IQCH: variants seen among roughly 807,000 people sequenced by gnomAD.
IQCH encodes IQ motif containing H.
In IQCH, 98 loss-of-function variants were observed where a neutral mutation model predicts 117.0. That is an observed-to-expected ratio of 0.84 (90% CI 0.71 to 0.99). IQCH has a LOEUF of 0.99. Ranked by LOEUF, IQCH falls within the 50% of genes least tolerant of loss-of-function variation. The pLI, the probability that IQCH is intolerant of heterozygous loss-of-function variation, is 0.00. For missense variants in IQCH, 1,102 were observed against 1,243.8 expected (o/e 0.89, Z 1.72); for synonymous variants, 412 against 448.2 (o/e 0.92, Z 1.02).
rs1410187508 is a variant in IQCH, at chr15:67,479,306, T to A, written c.2799+3488T>A. Among the ~76,000 whole-genome samples, 5 of 152,192 alleles carry A rather than the reference T, an allele frequency of 3.3e-5. No individual in the cohort carries two copies. Among genetic ancestry groups the A allele is most frequent in the African/African-American group, 1.2e-4 (5 of 41,446 alleles). On this transcript the variant is annotated intron_variant, in intron 18 of 20. Coordinates refer to ENST00000335894, the MANE Select transcript of IQCH (RefSeq NM_001031715.3). The surrounding 1 kb of genome is among the most constrained non-coding windows in gnomAD (Gnocchi z 4.6). Reference sequence around the variant, plus strand: ...AAAGATTTTAAGCATTTTCCCAGGGTCATACAGCCAGGAATTTTGTGGAAC... The same window carrying A: ...AAAGATTTTAAGCATTTTCCCAGGGACATACAGCCAGGAATTTTGTGGAAC...
rs1010286207 is a variant in IQCH at position 67,493,613 on chromosome 15, G to A, written c.2862-645G>A. Among the ~76,000 whole-genome samples the A allele has an allele frequency of 2.6e-5, 4 of 152,100 alleles. No homozygotes were observed. The highest frequency in any genetic ancestry group is 2.1e-4 in the South Asian group (1 of 4,824). On this transcript the variant is annotated intron_variant, in intron 19 of 20. Coordinates refer to ENST00000335894, the MANE Select transcript of IQCH (RefSeq NM_001031715.3). This position sits in a 1 kb window ranked among gnomAD's most constrained non-coding sequence, Gnocchi z 5.1. ...GTCTCCATAGACAAGGAAATCATTC[G>A]GCAAGGATCACACTTAGCGACAGTT...
chr15:67,440,881 A>G (rs1194031437), intron 16 of IQCH, among the ~76,000 whole-genome samples: 3 of 152,152 alleles, frequency 2.0e-5, no homozygotes, highest in Admixed American at 6.5e-5. Flanking sequence ...CAGACAAGAG[A>G]AAGAAATAAA....
chr15:67,415,697 C>G (rs1413020470), intron 14 of IQCH, among the ~76,000 whole-genome samples: 1 of 152,036 alleles, frequency 6.6e-6, no homozygotes, highest in Non-Finnish European at 1.5e-5. Context: ...CAATCCCACC[C>G]CCAAAGCTGA....
In IQCH at chr15:67,457,616, G is replaced by A. The variant is rs2082689805; in HGVS notation, c.2506-7511G>A. On this transcript the variant is annotated intron_variant, in intron 16 of 20. Coordinates refer to ENST00000335894, the MANE Select transcript of IQCH (RefSeq NM_001031715.3). The surrounding 1 kb of genome is among the most constrained non-coding windows in gnomAD (Gnocchi z 5.7). ...TGTCTGCCAGGCCTCTGTAGTAATA[G>A]TCTCACACACTATCTCATTTAGCCA... Among the ~76,000 whole-genome samples the A allele has an allele frequency of 6.6e-6, 1 of 152,190 alleles. No individual in the cohort carries two copies. The highest frequency in any genetic ancestry group is 2.4e-5 in the African/African-American group (1 of 41,436).
chr15:67,384,198 C>T lies in IQCH; in HGVS notation c.1373-738C>T, dbSNP rs1971033387. Among the ~76,000 whole-genome samples the T allele has an allele frequency of 6.6e-6, 1 of 151,892 alleles. No individual in the cohort carries two copies. Among genetic ancestry groups the T allele is most frequent in the African/African-American group, 2.4e-5 (1 of 41,312 alleles). Reference sequence around the variant, plus strand: ...TTATACCTGCTTGTGAGTATGCATGCTTTTTAAGTTTATGTTTTGATTCAC... The same window carrying T: ...TTATACCTGCTTGTGAGTATGCATGTTTTTTAAGTTTATGTTTTGATTCAC... On this transcript the variant is annotated intron_variant, in intron 10 of 20. Transcript: ENST00000335894. The surrounding 1 kb of genome is among the most constrained non-coding windows in gnomAD (Gnocchi z 4.3).
chr15:67,274,861 C>T (rs997616094), intron 3 of IQCH, among the ~76,000 whole-genome samples: 4 of 152,040 alleles, frequency 2.6e-5, no homozygotes, highest in Non-Finnish European at 5.9e-5. Flanking sequence ...TTGCTGTCTC[C>T]TTTTTGGCAC....
chr15:67,378,682 G>T (rs912276522), intron 10 of IQCH, among the ~76,000 whole-genome samples: 1 of 151,876 alleles, frequency 6.6e-6, no homozygotes, highest in African/African-American at 2.4e-5. Context: ...TATCCAATTG[G>T]TCTTGAGCTA....
chr15:67,319,388 G>A (rs1482797648), intron 4 of IQCH, among the ~76,000 whole-genome samples: 1 of 152,180 alleles, frequency 6.6e-6, no homozygotes, highest in African/African-American at 2.4e-5. Flanking sequence ...TATATTTCAT[G>A]GGCTTTAGTG....
intron 4 of IQCH, among the ~76,000 whole-genome samples, chr15:67,334,272 TAC>T (rs1968794966): frequency 6.6e-6 from 1 of 152,094 alleles, no homozygotes. Context: ...CAGCAGATGA[TAC>T]TTGAATCCTT....
intron 4 of IQCH, among the ~76,000 whole-genome samples, chr15:67,321,200 T>C (rs938391697): frequency 3.9e-5 from 6 of 152,236 alleles, no homozygotes; most frequent in African/African-American, 9.6e-5. Flanking sequence ...TGTGATGCGC[T>C]GTATGGGGTC....
intron 4 of IQCH, among the ~76,000 whole-genome samples, chr15:67,311,688 C>G (rs1034406809): frequency 6.6e-6 from 1 of 151,530 alleles, no homozygotes; most frequent in Non-Finnish European, 1.5e-5. Flanking sequence ...TTTTGACATA[C>G]ACAATTATAC....
chr15:67,413,114 A>G lies in IQCH; in HGVS notation c.2098-3817A>G, dbSNP rs1317088203. Among the ~76,000 whole-genome samples the G allele has an allele frequency of 6.6e-6, 1 of 151,084 alleles. No individual in the cohort carries two copies. Among genetic ancestry groups the G allele is most frequent in the Non-Finnish European group, 1.5e-5 (1 of 67,808 alleles). On this transcript the variant is annotated intron_variant, in intron 14 of 20. Coordinates refer to ENST00000335894, the MANE Select transcript of IQCH (RefSeq NM_001031715.3). The surrounding 1 kb of genome is among the most constrained non-coding windows in gnomAD (Gnocchi z 5.0). ...GTGTGTGTGTGTCTGTGTGTACATA[A>G]GTTTGTTTTGAACAAAATAAACTTG...
intron 4 of IQCH, among the ~76,000 whole-genome samples, chr15:67,288,783 A>C (rs561783577): frequency 6.6e-6 from 1 of 152,124 alleles, no homozygotes; most frequent in South Asian, 2.1e-4. Context: ...TCTTCTAAGC[A>C]CTGGAGGACT....
chr15:67,441,122 C>CATAAA (rs2082259794), intron 16 of IQCH, among the ~76,000 whole-genome samples: 1 of 53,974 alleles, frequency 1.9e-5, no homozygotes, highest in Non-Finnish European at 3.7e-5. Flanking sequence ...GCAATAGCTG[C>CATAAA]AAAAAAAAAA....
chr15:67,329,298 CAA>C (rs112654218), intron 4 of IQCH, among the ~76,000 whole-genome samples: 1,909 of 142,792 alleles, frequency 0.013, 31 homozygotes, highest in Middle Eastern at 0.083. Flanking sequence ...GACCTTGTCT[CAA>C]AAAAAAAAAA....
intron 4 of IQCH, among the ~76,000 whole-genome samples, chr15:67,333,153 G>A (rs1968739818): frequency 6.6e-6 from 1 of 152,082 alleles, no homozygotes; most frequent in African/African-American, 2.4e-5. Flanking sequence ...ACCTTCCAAA[G>A]GCCCCATCTC....
chr15:67,290,750 C>A (rs976526540), intron 4 of IQCH, among the ~76,000 whole-genome samples: 1 of 152,178 alleles, frequency 6.6e-6, no homozygotes, highest in African/African-American at 2.4e-5. Flanking sequence ...GTTTGTGAGA[C>A]AGTTCAGATT....
chr15:67,345,886 T>C (rs575849345), intron 6 of IQCH, among the ~76,000 whole-genome samples: 2 of 152,360 alleles, frequency 1.3e-5, no homozygotes, highest in Admixed American at 1.3e-4. Flanking sequence ...TAATGGAATA[T>C]GTTAACATTA....
chr15:67,288,810 T>C (rs1163864487), intron 4 of IQCH, among the ~76,000 whole-genome samples: 3 of 152,066 alleles, frequency 2.0e-5, no homozygotes, highest in Non-Finnish European at 2.9e-5. Flanking sequence ...TGAGAATATG[T>C]TGAGGGAGAT....
Sources: gnomAD v4.1 joint callset for allele counts (sites outside exome capture counted in the v4.1 genomes callset) on GRCh38, gnomAD v4.1.1 for gene constraint, Gnocchi (gnomAD v3.1) non-coding constraint, MANE v1.5 for transcripts, NCBI Gene and HGNC (gene_info 2026-07-23, HGNC 2026-07-21) for gene names.